The following ABCC8 variants were observed in gnomAD, a reference collection of about 807,000 sequenced individuals.
ABCC8 encodes ATP binding cassette subfamily C member 8.
In ABCC8, 137 loss-of-function variants were observed where a neutral mutation model predicts 188.0. The observed-to-expected ratio is 0.73, with a 90% CI of 0.63 to 0.84. The LOEUF (loss-of-function observed/expected upper bound fraction) is 0.84, where lower values mean the gene tolerates loss of function less well. Ranked by LOEUF, ABCC8 falls within the 40% of genes least tolerant of loss-of-function variation. The probability of loss-of-function intolerance (pLI) is 0.00; values close to 1 mark genes in which losing one functional copy is unlikely to be tolerated. For missense variants in ABCC8, 1,750 were observed against 2,072.7 expected (o/e 0.84, Z 3.02); for synonymous variants, 797 against 846.5 (o/e 0.94, Z 1.01).
intron 10 of ABCC8, among the ~76,000 whole-genome samples, chr11:17,433,200 T>C (rs1955926128): frequency 6.6e-6 from 1 of 152,174 alleles, no homozygotes; most frequent in African/African-American, 2.4e-5. Context: ...AGCCCCCCCA[T>C]GGCATAAGAG....
chr11:17,417,073 C>T, intron 16 of ABCC8, 111 bp from the exon 17 acceptor site: 1 of 1,571,870 alleles, frequency 6.4e-7, no homozygotes. Flanking sequence ...CCCTCCCACC[C>T]ATTCCCAGGG....
chr11:17,405,618 T>C, intron 26 of ABCC8, 55 bp from the exon 27 acceptor site: 1 of 1,613,912 alleles, frequency 6.2e-7, no homozygotes, highest in Non-Finnish European at 8.5e-7. Context: ...TACTTCCTGT[T>C]TACTGAATGA....
intron 7 of ABCC8, among the ~76,000 whole-genome samples, chr11:17,452,435 T>C (rs2133639024): frequency 6.6e-6 from 1 of 152,292 alleles, no homozygotes; most frequent in African/African-American, 2.4e-5. Context: ...GAGGGATGGT[T>C]TCAGGATGAA....
chr11:17,433,827 A>T (rs192024412), intron 10 of ABCC8, among the ~76,000 whole-genome samples: 107 of 152,316 alleles, frequency 7.0e-4, no homozygotes, highest in South Asian at 2.9e-3. Flanking sequence ...TCTGCCCGTG[A>T]GGCTTTTAAT....
intron 33 of ABCC8, chr11:17,396,502 G>A (rs920145792): frequency 3.3e-6 from 1 of 300,280 alleles, no homozygotes; most frequent in African/African-American, 2.2e-5. Flanking sequence ...GGAAACGAGA[G>A]GAGAGCTGGG....
chr11:17,450,708 A>ATTTTTTTTTT (rs1956783398), intron 7 of ABCC8, among the ~76,000 whole-genome samples: 1 of 21,912 alleles, frequency 4.6e-5, no homozygotes, highest in African/African-American at 2.3e-4. Flanking sequence ...TTTTTTTTTG[A>ATTTTTTTTTT]GATGAAGTCT....
Position 17,407,464 on chromosome 11 carries a change from G to T in ABCC8, c.2821-11C>A. 6.2e-7 allele frequency: 1 copy of T among 1,614,204 alleles called. No individual in the cohort carries two copies. The highest frequency in any genetic ancestry group is 8.5e-7 in the Non-Finnish European group (1 of 1,180,032). On this transcript the variant is annotated splice_polypyrimidine_tract_variant and intron_variant, in intron 23 of 38. Coordinates refer to ENST00000389817, the MANE Select transcript of ABCC8 (RefSeq NM_000352.6). ...CTCTGTGACAGTCTCCTAAAAGACA[G>T]ATGTGGCCTGGGCAATGTCTTCAGG...
chr11:17,405,453 T>C, intron 27 of ABCC8, 41 bp downstream of exon 27: 5 of 1,613,628 alleles, frequency 3.1e-6, no homozygotes, highest in Non-Finnish European at 4.2e-6. Flanking sequence ...GGGTCCGAGG[T>C]GTCTCTGGAA....
chr11:17,473,045 G>T (rs1022868256), intron 2 of ABCC8, among the ~76,000 whole-genome samples: 2 of 152,170 alleles, frequency 1.3e-5, no homozygotes, highest in African/African-American at 2.4e-5. Context: ...ACATTTTTAA[G>T]TTGGCAACTA....
intron 13 of ABCC8, 40 bp downstream of exon 13, chr11:17,428,525 G>T: frequency 6.2e-7 from 1 of 1,612,570 alleles, no homozygotes; most frequent in Non-Finnish European, 8.5e-7. Context: ...GGGCCTTAGA[G>T]GACCATGCTG....
intron 12 of ABCC8, chr11:17,429,275 T>C (rs1243900187): frequency 6.5e-6 from 1 of 153,406 alleles, no homozygotes; most frequent in African/African-American, 2.4e-5. Flanking sequence ...GGATTGTTTG[T>C]ATTCCCCTTT....
intron 10 of ABCC8, among the ~76,000 whole-genome samples, chr11:17,435,109 A>G (rs1340517259): frequency 1.3e-5 from 2 of 152,040 alleles, no homozygotes; most frequent in Non-Finnish European, 2.9e-5. Context: ...TTCTCCTCAA[A>G]GCAGCTGCTC....
At chr11:17,409,117 TA>T (rs1954684679) in intron 22 of ABCC8, among the ~76,000 whole-genome samples, 1 of 103,178 alleles carries the variant, frequency 9.7e-6, no homozygotes, top group African/African-American at 3.7e-5. Flanking sequence ...CATACCTGGC[TA>T]ATTTTTTTTT....
intron 28 of ABCC8, among the ~76,000 whole-genome samples, chr11:17,403,488 C>T (rs572408224): frequency 1.1e-4 from 16 of 152,210 alleles, no homozygotes; most frequent in African/African-American, 3.9e-4. Context: ...CTATGTTGTT[C>T]GTGTGGGTGT....
rs193922394 is a variant in ABCC8 at position 17,476,795 on chromosome 11, T to C, written c.-19A>G. The C allele has an allele frequency of 2.8e-3, 4,243 of 1,535,602 alleles. 108 individuals are homozygous for C. In the African/African-American group the frequency reaches 0.054, roughly 20 times the overall value. ...GGGGCATGGCGGCGCGGGCGCGGGC[T>C]GGGCTCGGGCTCAGCTGGCTCCGCT... On this transcript the variant is annotated 5_prime_UTR_variant, in exon 1 of 39. Coordinates refer to ENST00000389817, the MANE Select transcript of ABCC8 (RefSeq NM_000352.6).
rs1051741834 is a variant in ABCC8, at chr11:17,470,316, C to G, written c.291-94G>C. The G allele has an allele frequency of 4.4e-6, 7 of 1,591,520 alleles. No homozygotes were observed. In the African/African-American group the frequency reaches 6.7e-5, roughly 15 times the overall value. Reference sequence around the variant, plus strand: ...TGAATTTCAAAGGCTGAACACTGAACCTTTATAGCATCACTTTATAGGCTG... The same window carrying G: ...TGAATTTCAAAGGCTGAACACTGAAGCTTTATAGCATCACTTTATAGGCTG... On this transcript the variant is annotated intron_variant, in intron 2 of 38. Coordinates refer to ENST00000389817, the MANE Select transcript of ABCC8 (RefSeq NM_000352.6).
chr11:17,426,368 G>A lies in ABCC8; in HGVS notation c.2222+681C>T, dbSNP rs117160545. Among the ~76,000 whole-genome samples the A allele has an allele frequency of 5.6e-4, 86 of 152,218 alleles. 2 individuals carry two copies. The East Asian group carries it at 0.016, about 29-fold the overall frequency. On this transcript the variant is annotated intron_variant, in intron 16 of 38. Transcript: ENST00000389817. ...ATTTGTTGTTTCCTGACTTTTTAAC[G>A]ATCACCATTCTAACGGGTGTGAGAT...
chr11:17,396,753 G>C (rs993949419), intron 33 of ABCC8, 163 bp downstream of exon 33: 5 of 858,542 alleles, frequency 5.8e-6, no homozygotes, highest in Non-Finnish European at 9.0e-6. Context: ...GGAGAGGAAA[G>C]ATGGGCCCCC....
chr11:17,457,669 CT>C (rs1442055228), intron 6 of ABCC8, among the ~76,000 whole-genome samples: 1 of 152,128 alleles, frequency 6.6e-6, no homozygotes. Flanking sequence ...CCAGCTTTCC[CT>C]GGGGAGTGGC....
Sources: gnomAD v4.1 joint callset for allele counts (sites outside exome capture counted in the v4.1 genomes callset) on GRCh38, gnomAD v4.1.1 for gene constraint, MANE v1.5 for transcripts, NCBI Gene and HGNC (gene_info 2026-07-23, HGNC 2026-07-21) for gene names.